Variants in IMMP2L observed in about 807,000 individuals in gnomAD.
IMMP2L encodes mitochondrial inner membrane protease subunit 2.
IMMP2L carries 18 observed loss-of-function variants against 19.3 expected under a neutral mutation model. That is an observed-to-expected ratio of 0.93 (90% CI 0.64 to 1.38). The LOEUF is 1.38. Among genes scored for constraint, IMMP2L ranks in the 40% most tolerant of loss-of-function variants. IMMP2L has a pLI of 0.00. For synonymous variants in IMMP2L, 76 were observed against 73.0 expected (o/e 1.04, Z -0.21); for missense variants, 233 against 218.2 (o/e 1.07, Z -0.43).
At chr7:110,771,071 G>A (rs560402593) in intron 5 of IMMP2L, among the ~76,000 whole-genome samples, 65 of 152,242 alleles carry the variant, frequency 4.3e-4, no homozygotes, top group African/African-American at 1.4e-3. Flanking sequence ...GACAATGATG[G>A]CAATGTCAAG....
chr7:110,663,905 T>C (rs754223513), intron 5 of IMMP2L, among the ~76,000 whole-genome samples, 184 bp from the exon 6 acceptor site: 8 of 152,240 alleles, frequency 5.3e-5, no homozygotes, highest in African/African-American at 9.6e-5. Flanking sequence ...TAAGCACTTA[T>C]ATAGCATTTT....
At chr7:111,163,517 T>G (rs551004841) in intron 3 of IMMP2L, among the ~76,000 whole-genome samples, 8 of 152,286 alleles carry the variant, frequency 5.3e-5, no homozygotes, top group African/African-American at 1.9e-4. Flanking sequence ...CTGTCAATAT[T>G]CTGGAAGTTA....
intron 1 of IMMP2L, among the ~76,000 whole-genome samples, chr7:111,542,942 A>T (rs1585612293): frequency 6.6e-6 from 1 of 152,158 alleles, no homozygotes; most frequent in Non-Finnish European, 1.5e-5. Context: ...ATATATGTGC[A>T]TTCTAAAAAA....
At chr7:110,715,547 T>C (rs1402434432) in intron 5 of IMMP2L, among the ~76,000 whole-genome samples, 1 of 152,192 alleles carries the variant, frequency 6.6e-6, no homozygotes, top group Non-Finnish European at 1.5e-5. Context: ...CAGGAGCAAA[T>C]TGTTTAATTT....
intron 3 of IMMP2L, among the ~76,000 whole-genome samples, chr7:111,311,689 C>G (rs1823537378): frequency 6.6e-6 from 1 of 152,086 alleles, no homozygotes; most frequent in Non-Finnish European, 1.5e-5. Context: ...GATGTTGTAT[C>G]AGGGTGAGGA....
chr7:111,432,090 G>A (rs1167983896), intron 3 of IMMP2L, among the ~76,000 whole-genome samples: 1 of 151,768 alleles, frequency 6.6e-6, no homozygotes, highest in Non-Finnish European at 1.5e-5. Flanking sequence ...ACTTGAGACT[G>A]GTAGAGGAGG....
chr7:111,558,923 T>C (rs1213523151), intron 1 of IMMP2L, among the ~76,000 whole-genome samples: 1 of 152,196 alleles, frequency 6.6e-6, no homozygotes, highest in Non-Finnish European at 1.5e-5. Context: ...TCTTTAAGAA[T>C]ATTTTCTTGC....
chr7:110,896,692 A>C (rs1190993807), intron 4 of IMMP2L, among the ~76,000 whole-genome samples: 1 of 152,218 alleles, frequency 6.6e-6, no homozygotes, highest in African/African-American at 2.4e-5. Context: ...GCATTTGTTT[A>C]GAAAATCTTC....
intron 3 of IMMP2L, among the ~76,000 whole-genome samples, chr7:111,100,845 C>T (rs1426320910): frequency 1.3e-5 from 2 of 151,406 alleles, no homozygotes; most frequent in African/African-American, 4.8e-5. Flanking sequence ...TTTTATTGAC[C>T]ATAAATATCT....
chr7:111,240,128 G>A, intron 3 of IMMP2L, among the ~76,000 whole-genome samples: 1 of 151,690 alleles, frequency 6.6e-6, no homozygotes. Context: ...GGAAACAAAG[G>A]GTATCAATAA....
intron 3 of IMMP2L, among the ~76,000 whole-genome samples, chr7:111,448,435 GAAC>G: frequency 6.6e-6 from 1 of 151,444 alleles, no homozygotes; most frequent in South Asian, 2.1e-4. Context: ...CATGGAAACT[GAAC>G]AACCTGCTCC....
At chr7:111,089,494 A>G (rs2129577604) in intron 3 of IMMP2L, among the ~76,000 whole-genome samples, 1 of 152,254 alleles carries the variant, frequency 6.6e-6, no homozygotes, top group Middle Eastern at 3.4e-3. Flanking sequence ...ATAATTTGGA[A>G]TATTAAAGAA....
chr7:111,445,766 G>T (rs1017779056), intron 3 of IMMP2L, among the ~76,000 whole-genome samples: 2 of 152,122 alleles, frequency 1.3e-5, no homozygotes, highest in Non-Finnish European at 2.9e-5. Flanking sequence ...CGCAGAAGAC[G>T]GGTGATTTCT....
intron 5 of IMMP2L, among the ~76,000 whole-genome samples, chr7:110,858,690 T>C (rs935894162): frequency 6.6e-6 from 1 of 152,022 alleles, no homozygotes; most frequent in Non-Finnish European, 1.5e-5. Context: ...GCCATGCTGG[T>C]GTGCTGCACC....
intron 3 of IMMP2L, among the ~76,000 whole-genome samples, chr7:111,148,958 C>T (rs1477454023): frequency 6.6e-6 from 1 of 151,968 alleles, no homozygotes; most frequent in East Asian, 1.9e-4. Context: ...ACAGAGATAA[C>T]TTAATGAGGC....
chr7:111,546,098 AATTT>A (rs577639402), intron 1 of IMMP2L, among the ~76,000 whole-genome samples: 72 of 152,216 alleles, frequency 4.7e-4, no homozygotes, highest in African/African-American at 1.7e-3. Flanking sequence ...TATATACTAT[AATTT>A]ATTTATCCAG....
At chr7:111,409,666 G>A (rs1313939731) in intron 3 of IMMP2L, among the ~76,000 whole-genome samples, 3 of 151,720 alleles carry the variant, frequency 2.0e-5, no homozygotes, top group Non-Finnish European at 4.4e-5. Context: ...CATAAAGCTT[G>A]CTTCTAAGAG....
intron 3 of IMMP2L, among the ~76,000 whole-genome samples, chr7:111,486,615 A>G (rs974468679): frequency 6.6e-6 from 1 of 152,070 alleles, no homozygotes; most frequent in Non-Finnish European, 1.5e-5. Flanking sequence ...AAATCTCCAA[A>G]CCATTTAGGC....
At chr7:111,187,527 C>A (rs1024954749) in intron 3 of IMMP2L, among the ~76,000 whole-genome samples, 2 of 152,070 alleles carry the variant, frequency 1.3e-5, no homozygotes, top group African/African-American at 4.8e-5. Context: ...TAGTGTCTGG[C>A]CTTACTCATA....
Sources: gnomAD v4.1 joint callset for allele counts (sites outside exome capture counted in the v4.1 genomes callset) on GRCh38, gnomAD v4.1.1 for gene constraint, MANE v1.5 for transcripts, NCBI Gene and HGNC (gene_info 2026-07-23, HGNC 2026-07-21) for gene names.